NRXN1: variants seen among roughly 807,000 people sequenced by gnomAD.
The protein encoded by NRXN1 is neurexin-1.
NRXN1 carries 39 observed loss-of-function variants against 150.9 expected under a neutral mutation model. The observed-to-expected ratio is 0.26, with a 90% confidence interval of 0.20 to 0.34. NRXN1 has a LOEUF of 0.34. NRXN1 is among the 10% of genes least tolerant of loss of function. NRXN1 has a pLI of 1.00. For missense variants in NRXN1, 1,815 were observed against 1,949.9 expected (o/e 0.93, Z 1.30); for synonymous variants, 924 against 757.0 (o/e 1.22, Z -3.62).
intron 18 of NRXN1, among the ~76,000 whole-genome samples, chr2:50,092,997 T>G (rs1377239): frequency 6.6e-6 from 1 of 152,066 alleles, no homozygotes; most frequent in African/African-American, 2.4e-5. Flanking sequence ...TTAAAATTTT[T>G]CTGTAGAGTT....
chr2:50,528,613 A>G lies in NRXN1; in HGVS notation c.2374+12T>C, dbSNP rs369863435. The G allele has an allele frequency of 8.8e-6, 13 of 1,477,684 alleles. No homozygotes were observed. The East Asian group carries it at 1.8e-4, about 21-fold the overall frequency. 91.5% of individuals were successfully genotyped at this position (1,477,684 alleles called of 1,614,324 possible). A position where few individuals can be genotyped will look rare whatever the true frequency, so the allele number is the denominator to read the frequency against. On this transcript the variant is annotated intron_variant, in intron 12 of 22. Coordinates refer to ENST00000401669, the MANE Select transcript of NRXN1 (RefSeq NM_001330078.2). Reference sequence around the variant, plus strand: ...AGGAATAACATTTTAAAAATTTTGAATAGGCACTTACTGGAATTACAGTTA... The same window carrying G: ...AGGAATAACATTTTAAAAATTTTGAGTAGGCACTTACTGGAATTACAGTTA...
At chr2:50,998,246 A>AC (rs1248899705) in intron 2 of NRXN1, among the ~76,000 whole-genome samples, 1 of 141,942 alleles carries the variant, frequency 7.0e-6, no homozygotes, top group East Asian at 2.0e-4. Context: ...TATGTTAAAA[A>AC]AATTACTCAC....
intron 18 of NRXN1, among the ~76,000 whole-genome samples, chr2:50,165,412 A>G (rs2059616522): frequency 6.6e-6 from 1 of 152,088 alleles, no homozygotes; most frequent in African/African-American, 2.4e-5. Context: ...GCAGTGGCGC[A>G]ATCTCAGCTC....
At chr2:50,424,670 A>G (rs1180883942) in intron 17 of NRXN1, among the ~76,000 whole-genome samples, 1 of 152,152 alleles carries the variant, frequency 6.6e-6, no homozygotes, top group Non-Finnish European at 1.5e-5. Flanking sequence ...TATGACTTCT[A>G]TTAGCACTTT....
intron 5 of NRXN1, among the ~76,000 whole-genome samples, chr2:50,772,283 A>C (rs1703103498): frequency 6.6e-6 from 1 of 151,810 alleles, no homozygotes. Context: ...AGGGTTTTCG[A>C]AATTCTTTCC....
At chr2:50,477,896 T>C (rs140530074) in intron 15 of NRXN1, among the ~76,000 whole-genome samples, 5 of 152,124 alleles carry the variant, frequency 3.3e-5, no homozygotes, top group Non-Finnish European at 7.4e-5. Flanking sequence ...GAGAGAAAAT[T>C]TGGGTGCAGC....
At chr2:50,903,221 T>C (rs1048926158) in intron 5 of NRXN1, among the ~76,000 whole-genome samples, 7 of 152,122 alleles carry the variant, frequency 4.6e-5, no homozygotes, top group Non-Finnish European at 8.8e-5. Flanking sequence ...TGAGGACCCT[T>C]TGCAATCTCT....
chr2:50,148,525 T>C (rs577019633), intron 18 of NRXN1, among the ~76,000 whole-genome samples: 1 of 151,754 alleles, frequency 6.6e-6, no homozygotes, highest in Non-Finnish European at 1.5e-5. Context: ...CACCATTTGA[T>C]TGAGTTTAGT....
At position 50,265,995 on chromosome 2, in the gene NRXN1, A is replaced by AT. The variant is rs1491084411; in HGVS notation, c.3365-29026dup. Among the ~76,000 whole-genome samples, 567 of 76,772 alleles carry AT rather than the reference A, an allele frequency of 7.4e-3. 6 individuals are homozygous for AT. The highest frequency in any genetic ancestry group is 0.035 in the African/African-American group (471 of 13,478). The allele number at this position is 76,772 out of a possible 152,430, so 50.4% of individuals were successfully genotyped here. A position where few individuals can be genotyped will look rare whatever the true frequency, so the allele number is the denominator to read the frequency against. The stretch of plus-strand genomic sequence containing the variant: ...TATTATTATTATTATTATTATTATT[A>AT]TTATTTATTTTTTTTTTTTTTGAGA... On this transcript the variant is annotated intron_variant, in intron 17 of 22. Coordinates refer to ENST00000401669, the MANE Select transcript of NRXN1 (RefSeq NM_001330078.2).
chr2:50,984,134 A>AT (rs70958636), intron 2 of NRXN1, among the ~76,000 whole-genome samples: 1,037 of 72,806 alleles, frequency 0.014, 68 homozygotes, highest in African/African-American at 0.035. Flanking sequence ...CGCCAGGCTA[A>AT]TTTTTTTTTT....
chr2:50,122,480 C>G (rs533860876), intron 18 of NRXN1, among the ~76,000 whole-genome samples: 1 of 152,318 alleles, frequency 6.6e-6, no homozygotes, highest in East Asian at 1.9e-4. Context: ...CACAAAAGTG[C>G]ATGGTAACCC....
chr2:50,342,389 C>G (rs184498662), intron 17 of NRXN1, among the ~76,000 whole-genome samples: 7 of 152,194 alleles, frequency 4.6e-5, no homozygotes, highest in Admixed American at 4.6e-4. Flanking sequence ...TTCAGCAGAA[C>G]AGTCATAGCC....
intron 18 of NRXN1, among the ~76,000 whole-genome samples, chr2:50,134,271 C>CA (rs1411425534): frequency 8.6e-4 from 74 of 86,442 alleles, no homozygotes; most frequent in Non-Finnish European, 8.5e-4. Context: ...TAAAAGTAAC[C>CA]AGAAAAAAAA....
intron 17 of NRXN1, among the ~76,000 whole-genome samples, chr2:50,298,862 C>T (rs1380048055): frequency 6.6e-6 from 1 of 152,142 alleles, no homozygotes; most frequent in Non-Finnish European, 1.5e-5. Context: ...GTCTCTGTTG[C>T]TAACCTCAAG....
At chr2:51,021,222 C>CA (rs1669556575) in intron 2 of NRXN1, among the ~76,000 whole-genome samples, 1 of 151,876 alleles carries the variant, frequency 6.6e-6, no homozygotes, top group Admixed American at 6.6e-5. Context: ...TTTGAGAGCA[C>CA]AGTTTGCACA....
chr2:50,085,228 G>C (rs369207508), intron 19 of NRXN1, among the ~76,000 whole-genome samples: 2 of 152,080 alleles, frequency 1.3e-5, no homozygotes, highest in East Asian at 1.9e-4. Flanking sequence ...AAAATGCTTT[G>C]ACCTAGAAGT....
intron 10 of NRXN1, 115 bp from the exon 11 acceptor site, chr2:50,531,545 C>G (rs1288993166): frequency 1.0e-5 from 8 of 762,732 alleles, no homozygotes; most frequent in Non-Finnish European, 1.7e-5. Flanking sequence ...CACAATACTA[C>G]AAAATCAATT....
At chr2:50,156,046 A>G (rs1033609680) in intron 18 of NRXN1, among the ~76,000 whole-genome samples, 2 of 151,732 alleles carry the variant, frequency 1.3e-5, no homozygotes, top group Non-Finnish European at 3.0e-5. Context: ...TGTTTTTAGC[A>G]TTTATCTCTG....
chr2:50,574,649 A>G (rs567946707), intron 8 of NRXN1, among the ~76,000 whole-genome samples: 11 of 152,302 alleles, frequency 7.2e-5, no homozygotes, highest in African/African-American at 2.4e-4. Context: ...CACTCTGAAA[A>G]ATCTAAAGAG....
Sources: gnomAD v4.1 joint callset for allele counts (sites outside exome capture counted in the v4.1 genomes callset) on GRCh38, gnomAD v4.1.1 for gene constraint, MANE v1.5 for transcripts, NCBI Gene and HGNC (gene_info 2026-07-23, HGNC 2026-07-21) for gene names.